MCU: variants seen among roughly 807,000 people sequenced by gnomAD.
The protein encoded by MCU is calcium uniporter protein, mitochondrial.
In MCU, 12 loss-of-function variants were observed where a neutral mutation model predicts 45.2. That is an observed-to-expected ratio of 0.27 (90% CI 0.17 to 0.43). The LOEUF is 0.43. MCU is among the 20% of genes least tolerant of loss of function. MCU has a pLI of 1.00. For missense variants in MCU, 324 were observed against 436.7 expected (o/e 0.74, Z 2.30); for synonymous variants, 160 against 165.1 (o/e 0.97, Z 0.24).
intron 4 of MCU, among the ~76,000 whole-genome samples, chr10:72,861,489 T>C (rs1375249150): frequency 6.6e-6 from 1 of 151,586 alleles, no homozygotes; most frequent in Non-Finnish European, 1.5e-5. Flanking sequence ...CCCAGTGACA[T>C]GACACTGGCT....
At chr10:72,715,869 C>T in intron 1 of MCU, 1 of 985,614 alleles carries the variant, frequency 1.0e-6, no homozygotes, top group Non-Finnish European at 1.2e-6. Context: ...GGTGATGTGA[C>T]CTGTTCACGC....
At chr10:72,709,155 T>C (rs931277907) in intron 1 of MCU, among the ~76,000 whole-genome samples, 1 of 152,200 alleles carries the variant, frequency 6.6e-6, no homozygotes, top group East Asian at 1.9e-4. Flanking sequence ...TGTATATATA[T>C]ATTTCCAAAG....
intron 1 of MCU, among the ~76,000 whole-genome samples, chr10:72,789,264 T>C (rs888496149): frequency 6.6e-6 from 1 of 152,132 alleles, no homozygotes. Context: ...TAGTAAGATG[T>C]TTTAGGTATA....
chr10:72,720,447 A>G (rs1843006056), intron 1 of MCU, among the ~76,000 whole-genome samples: 1 of 152,180 alleles, frequency 6.6e-6, no homozygotes, highest in South Asian at 2.1e-4. Flanking sequence ...TTAATCACCA[A>G]GTGCATTCCC....
chr10:72,880,266 G>A (rs2132899404), intron 6 of MCU, among the ~76,000 whole-genome samples: 1 of 152,252 alleles, frequency 6.6e-6, no homozygotes, highest in South Asian at 2.1e-4. Flanking sequence ...GACACTTACA[G>A]ATTTTGTACA....
intron 1 of MCU, among the ~76,000 whole-genome samples, chr10:72,791,285 T>G (rs955616611): frequency 3.9e-5 from 6 of 152,228 alleles, no homozygotes; most frequent in African/African-American, 1.4e-4. Context: ...TGGCTGGCTC[T>G]CTCTTACCAC....
At chr10:72,721,047 G>A (rs1843015040) in intron 1 of MCU, 1 of 154,040 alleles carries the variant, frequency 6.5e-6, no homozygotes, top group Non-Finnish European at 1.5e-5. Context: ...AGAGCCAGTG[G>A]TGAGACAGTG....
At chr10:72,774,250 C>G (rs1286530715) in intron 1 of MCU, among the ~76,000 whole-genome samples, 1 of 152,098 alleles carries the variant, frequency 6.6e-6, no homozygotes, top group African/African-American at 2.4e-5. Flanking sequence ...TAAATTGAGT[C>G]AAAATGTGGA....
chr10:72,872,908 A>G (rs1218358958), intron 6 of MCU, among the ~76,000 whole-genome samples: 2 of 150,054 alleles, frequency 1.3e-5, no homozygotes, highest in Non-Finnish European at 2.9e-5. Context: ...CCTCACCAGC[A>G]TTTGATATTC....
chr10:72,876,369 A>G (rs942973522), intron 6 of MCU, among the ~76,000 whole-genome samples: 2 of 152,130 alleles, frequency 1.3e-5, no homozygotes, highest in African/African-American at 4.8e-5. Context: ...TATCCAATTT[A>G]AACTGTGTTG....
intron 1 of MCU, among the ~76,000 whole-genome samples, chr10:72,833,671 C>A (rs1844912267): frequency 6.6e-6 from 1 of 152,138 alleles, no homozygotes; most frequent in Non-Finnish European, 1.5e-5. Flanking sequence ...AAGCATTTGG[C>A]AAGTGAGAAA....
intron 1 of MCU, among the ~76,000 whole-genome samples, chr10:72,794,205 T>A (rs1288089455): frequency 2.0e-5 from 3 of 152,298 alleles, no homozygotes; most frequent in Non-Finnish European, 4.4e-5. Context: ...TTCCTCTTGA[T>A]TTGAAGACCT....
intron 2 of MCU, among the ~76,000 whole-genome samples, chr10:72,854,792 A>G (rs576268652): frequency 3.3e-5 from 5 of 152,296 alleles, no homozygotes; most frequent in East Asian, 1.9e-4. Context: ...AGCCATGCCT[A>G]TTTGTTTACA....
intron 1 of MCU, among the ~76,000 whole-genome samples, chr10:72,695,717 T>TC (rs1396114022): frequency 2.6e-5 from 4 of 151,780 alleles, no homozygotes; most frequent in African/African-American, 9.7e-5. Flanking sequence ...CTTTACTTTT[T>TC]TTTTTTTTTT....
intron 1 of MCU, among the ~76,000 whole-genome samples, chr10:72,734,064 T>C (rs969658587): frequency 6.6e-6 from 1 of 152,086 alleles, no homozygotes; most frequent in African/African-American, 2.4e-5. Flanking sequence ...AGGCAGAATC[T>C]ATAAAAACTG....
intron 2 of MCU, among the ~76,000 whole-genome samples, chr10:72,841,756 T>A (rs1444115626): frequency 6.6e-6 from 1 of 152,222 alleles, no homozygotes; most frequent in Non-Finnish European, 1.5e-5. Flanking sequence ...CATCCTGGCT[T>A]TGAAGACTCT....
At chr10:72,791,689 C>G (rs2132765295) in intron 1 of MCU, among the ~76,000 whole-genome samples, 1 of 152,166 alleles carries the variant, frequency 6.6e-6, no homozygotes, top group Non-Finnish European at 1.5e-5. Context: ...ACCGGTGCAA[C>G]TAATCTGAAT....
chr10:72,715,866 T>C lies in MCU; in HGVS notation c.150+23565T>C, dbSNP rs529079056. On this transcript the variant is annotated intron_variant, in intron 1 of 7. Coordinates refer to ENST00000373053, the MANE Select transcript of MCU (RefSeq NM_138357.3). ...TGCTCTGTCTTAGGTATTGGTGATG[T>C]GACCTGTTCACGCAGGGGAAACTTG... is the stretch of plus-strand genomic sequence containing the variant. 8.1e-5 allele frequency: 80 copies of C among 985,712 alleles called. No individual in the cohort carries two copies. In the South Asian group the frequency reaches 2.8e-3, roughly 35 times the overall value. The allele number at this position is 985,712 out of a possible 1,614,324, so 61.1% of individuals were successfully genotyped here.
intron 1 of MCU, among the ~76,000 whole-genome samples, chr10:72,832,934 A>ATGTATGTGTGTGTGTGTGTGTGTGTG (rs1554826624): frequency 1.4e-5 from 2 of 143,760 alleles, no homozygotes; most frequent in Non-Finnish European, 3.1e-5. Context: ...ACCAATAGCT[A>ATGTATGTGTGTGTGTGTGTGTGTGTG]TGTGTGTGTG....
Sources: gnomAD v4.1 joint callset for allele counts (sites outside exome capture counted in the v4.1 genomes callset) on GRCh38, gnomAD v4.1.1 for gene constraint, MANE v1.5 for transcripts, NCBI Gene and HGNC (gene_info 2026-07-23, HGNC 2026-07-21) for gene names.